Variants in NEGR1 observed in about 807,000 individuals in gnomAD.
NEGR1 encodes the protein IgLON family member 4.
Under a neutral mutation model 40.9 loss-of-function variants are expected in NEGR1, and 10 were observed. That is an observed-to-expected ratio of 0.24 (90% CI 0.15 to 0.42). NEGR1 has a LOEUF of 0.42. NEGR1 is among the 10% of genes least tolerant of loss of function. NEGR1 has a pLI of 1.00. For synonymous variants in NEGR1, 185 were observed against 166.8 expected (o/e 1.11, Z -0.84); for missense variants, 352 against 438.9 (o/e 0.80, Z 1.77).
At chr1:71,873,594 ATAATC>A (rs1660342076) in intron 2 of NEGR1, among the ~76,000 whole-genome samples, 1 of 152,154 alleles carries the variant, frequency 6.6e-6, no homozygotes, top group African/African-American at 2.4e-5. Context: ...TGCACTCTAA[ATAATC>A]TATGTGCAAA....
intron 2 of NEGR1, among the ~76,000 whole-genome samples, chr1:71,825,371 T>A (rs1217502218): frequency 1.3e-5 from 2 of 151,944 alleles, no homozygotes; most frequent in Non-Finnish European, 1.5e-5. Flanking sequence ...GTGTAGTTTT[T>A]AAAATCTCTG....
chr1:71,697,743 C>T (rs1337037554), intron 4 of NEGR1, among the ~76,000 whole-genome samples: 1 of 151,714 alleles, frequency 6.6e-6, no homozygotes, highest in East Asian at 1.9e-4. Context: ...AAGGACACCA[C>T]AGTTTAGAAT....
intron 2 of NEGR1, among the ~76,000 whole-genome samples, chr1:71,905,530 A>C (rs1661252643): frequency 6.6e-6 from 1 of 152,108 alleles, no homozygotes; most frequent in African/African-American, 2.4e-5. Flanking sequence ...TAATCAATAA[A>C]AATAAAACAT....
In NEGR1 at chr1:72,011,945, G is replaced by A. The variant is rs138074189; in HGVS notation, c.177-76634C>T. ...TTGAAGGTGGAGATGGAGAGTGGGCGTTTGCAAGGCTGTGAAGAGTCTTAC... is the reference window on the plus strand; with the variant it reads ...TTGAAGGTGGAGATGGAGAGTGGGCATTTGCAAGGCTGTGAAGAGTCTTAC... On this transcript the variant is annotated intron_variant, in intron 1 of 6. Transcript: ENST00000357731. Among the ~76,000 whole-genome samples, 461 of 151,976 alleles carry A rather than the reference G, an allele frequency of 3.0e-3. 2 individuals are homozygous for A. The highest frequency in any genetic ancestry group is 0.01 in the African/African-American group (434 of 41,450).
At chr1:71,424,499 C>T (rs1047606104) in intron 6 of NEGR1, among the ~76,000 whole-genome samples, 6 of 152,192 alleles carry the variant, frequency 3.9e-5, no homozygotes, top group Non-Finnish European at 2.9e-5. Flanking sequence ...AAGCACTAAT[C>T]TAAGTACTTT....
At chr1:72,176,937 G>C (rs1652188001) in intron 1 of NEGR1, among the ~76,000 whole-genome samples, 1 of 151,590 alleles carries the variant, frequency 6.6e-6, no homozygotes, top group Non-Finnish European at 1.5e-5. Context: ...TAAGGAGTCA[G>C]TTTCAAGATA....
intron 1 of NEGR1, among the ~76,000 whole-genome samples, chr1:72,117,272 A>C (rs565378588): frequency 6.6e-6 from 1 of 151,836 alleles, no homozygotes; most frequent in East Asian, 1.9e-4. Flanking sequence ...ACTTTTATTT[A>C]AACTAGAGAT....
intron 1 of NEGR1, among the ~76,000 whole-genome samples, chr1:72,206,577 GA>G (rs1057142154): frequency 8.8e-6 from 1 of 113,432 alleles, no homozygotes; most frequent in African/African-American, 3.8e-5. Flanking sequence ...TCTATAAGGT[GA>G]TTTTTTTCAG....
chr1:71,703,449 T>C (rs1221911727), intron 3 of NEGR1: 1 of 145,072 alleles, frequency 6.9e-6, no homozygotes, highest in African/African-American at 2.6e-5. Context: ...ATCTCTGAAC[T>C]ATAACTAGTG....
chr1:71,809,747 T>G (rs1657920401), intron 2 of NEGR1, among the ~76,000 whole-genome samples: 1 of 152,160 alleles, frequency 6.6e-6, no homozygotes, highest in East Asian at 1.9e-4. Flanking sequence ...TGTGTGTATG[T>G]GTGTGTATGT....
At chr1:71,991,532 C>T (rs1234863004) in intron 1 of NEGR1, among the ~76,000 whole-genome samples, 1 of 152,180 alleles carries the variant, frequency 6.6e-6, no homozygotes, top group Non-Finnish European at 1.5e-5. Context: ...ATTGTGTGGT[C>T]CACAGAGGTC....
At chr1:72,252,509 C>T (rs993410307) in intron 1 of NEGR1, among the ~76,000 whole-genome samples, 1 of 152,166 alleles carries the variant, frequency 6.6e-6, no homozygotes, top group Admixed American at 6.5e-5. Flanking sequence ...TTGATAAACT[C>T]ACATCTCAAT....
intron 1 of NEGR1, among the ~76,000 whole-genome samples, chr1:72,012,593 T>C (rs1646666697): frequency 6.6e-6 from 1 of 152,024 alleles, no homozygotes; most frequent in South Asian, 2.1e-4. Context: ...GTTTGAATTT[T>C]TTATATGCAT....
intron 1 of NEGR1, among the ~76,000 whole-genome samples, chr1:72,192,948 A>G (rs1336368373): frequency 6.6e-6 from 1 of 151,762 alleles, no homozygotes; most frequent in Non-Finnish European, 1.5e-5. Context: ...TCAGTACACC[A>G]ATAATATTTA....
intron 6 of NEGR1, among the ~76,000 whole-genome samples, chr1:71,539,939 T>A (rs532601699): frequency 4.4e-4 from 67 of 151,892 alleles, no homozygotes; most frequent in African/African-American, 1.5e-3. Flanking sequence ...CCTGCTGAGA[T>A]TTGAAAGAAT....
chr1:72,024,968 T>C (rs1646793974), intron 1 of NEGR1, among the ~76,000 whole-genome samples: 1 of 152,168 alleles, frequency 6.6e-6, no homozygotes. Context: ...GCCTTTTGGG[T>C]AGCCAATCAG....
intron 4 of NEGR1, among the ~76,000 whole-genome samples, chr1:71,631,952 T>G (rs1470236916): frequency 6.6e-6 from 1 of 151,760 alleles, no homozygotes. Context: ...GCTGGGCAAG[T>G]ATGTTAATGT....
chr1:71,570,904 T>G (rs1280032583), intron 6 of NEGR1: 3 of 152,188 alleles, frequency 2.0e-5, no homozygotes, highest in Admixed American at 2.0e-4. Flanking sequence ...TTTATATTTT[T>G]CAATTGATAG....
chr1:71,999,684 C>CAT (rs1646540625), intron 1 of NEGR1, among the ~76,000 whole-genome samples: 5 of 62,338 alleles, frequency 8.0e-5, no homozygotes, highest in African/African-American at 1.4e-4. Flanking sequence ...TATATACATA[C>CAT]ATATTTTTGT....
Sources: gnomAD v4.1 joint callset for allele counts (sites outside exome capture counted in the v4.1 genomes callset) on GRCh38, gnomAD v4.1.1 for gene constraint, MANE v1.5 for transcripts, NCBI Gene and HGNC (gene_info 2026-07-23, HGNC 2026-07-21) for gene names.